CLTC: variants seen among roughly 807,000 people sequenced by gnomAD.
The protein encoded by CLTC is clathrin heavy chain, also known as clathrin heavy chain 1.
A neutral mutation model predicts 195.8 loss-of-function variants in CLTC; 16 were observed. That is an observed-to-expected ratio of 0.08 (90% CI 0.06 to 0.12). CLTC has a LOEUF of 0.12. CLTC is among the 10% of genes least tolerant of loss of function. CLTC has a pLI of 1.00. For synonymous variants in CLTC, 667 were observed against 689.4 expected, an observed-to-expected ratio of 0.97 and a Z score of 0.51; for missense variants, 796 against 2,027.0, an observed-to-expected ratio of 0.39 and a Z score of 11.66.
At chr17:59,679,141 TAAAC>T (rs2033028940) in intron 17 of CLTC, among the ~76,000 whole-genome samples, 1 of 152,024 alleles carries the variant, frequency 6.6e-6, no homozygotes, top group South Asian at 2.1e-4. Flanking sequence ...CATGGAAAAA[TAAAC>T]ACACAAGAAC....
At chr17:59,629,761 C>T (rs999183342) in intron 1 of CLTC, among the ~76,000 whole-genome samples, 5 of 151,940 alleles carry the variant, frequency 3.3e-5, no homozygotes, top group Non-Finnish European at 5.9e-5. Flanking sequence ...CCTTGTGATC[C>T]GCCTGCTTTG....
At chr17:59,664,940 C>A in intron 10 of CLTC, 31 bp downstream of exon 10, 2 of 1,610,256 alleles carry the variant, frequency 1.2e-6, no homozygotes, top group Non-Finnish European at 1.7e-6. Context: ...TTTGTAGAAG[C>A]TGATTGAAAT....
At chr17:59,655,049 T>C (rs1287505046) in intron 5 of CLTC, among the ~76,000 whole-genome samples, 1 of 152,268 alleles carries the variant, frequency 6.6e-6, no homozygotes, top group Non-Finnish European at 1.5e-5. Flanking sequence ...AGTAGCACTT[T>C]AATTTCCTTC....
intron 1 of CLTC, among the ~76,000 whole-genome samples, chr17:59,638,253 C>T (rs1381845923): frequency 1.3e-5 from 2 of 151,996 alleles, no homozygotes; most frequent in Non-Finnish European, 2.9e-5. Context: ...GCTGTGATCA[C>T]ATCACTGCAC....
At chr17:59,623,635 C>T (rs932858840) in intron 1 of CLTC, among the ~76,000 whole-genome samples, 3 of 152,168 alleles carry the variant, frequency 2.0e-5, no homozygotes, top group Non-Finnish European at 4.4e-5. Context: ...TATATCGAAT[C>T]CTCAGCTTCT....
chr17:59,632,621 C>T (rs541041677), intron 1 of CLTC, among the ~76,000 whole-genome samples: 6 of 152,080 alleles, frequency 3.9e-5, no homozygotes, highest in South Asian at 2.1e-4. Flanking sequence ...CCAGCCTATG[C>T]GACAGAGCGA....
Position 59,682,815 on chromosome 17 carries a change from G to A in CLTC, c.3765+22G>A. ...AGAGGTAATCTAAACCCAAGTTTGAGTGAAGAATTAAAGAAACGCTATTTA... is the reference window on the plus strand; with the variant it reads ...AGAGGTAATCTAAACCCAAGTTTGAATGAAGAATTAAAGAAACGCTATTTA... On this transcript the variant is annotated intron_variant, in intron 23 of 31. Transcript: ENST00000269122. This position sits in a 1 kb window ranked among gnomAD's most constrained non-coding sequence, Gnocchi z 6.8. 1.2e-6 allele frequency: 2 copies of A among 1,612,134 alleles called. No homozygotes were observed. Among genetic ancestry groups the A allele is most frequent in the East Asian group, 4.5e-5 (2 of 44,836 alleles).
At chr17:59,637,554 TAAA>T (rs545077564) in intron 1 of CLTC, among the ~76,000 whole-genome samples, 1 of 131,334 alleles carries the variant, frequency 7.6e-6, no homozygotes, top group Non-Finnish European at 1.6e-5. Context: ...TGAAGTTTCT[TAAA>T]AAAAAAAAAA....
At chr17:59,662,588 A>G (rs1469201055) in intron 8 of CLTC, among the ~76,000 whole-genome samples, 1 of 152,210 alleles carries the variant, frequency 6.6e-6, no homozygotes, top group African/African-American at 2.4e-5. Flanking sequence ...ATTTAATGTT[A>G]TTATTCTTTC....
rs200412101 is a variant in CLTC, at chr17:59,661,425, C to A, written c.1168-18C>A. The A allele has an allele frequency of 8.1e-6, 13 of 1,605,456 alleles. No homozygotes were observed. The East Asian group carries it at 2.7e-4, about 33-fold the overall frequency. Reference sequence around the variant, plus strand: ...TCTTACACTTTCGAAGAGCGTTTAACATTTCTCCTTCTTAAAGGGAATTCT... The same window carrying A: ...TCTTACACTTTCGAAGAGCGTTTAAAATTTCTCCTTCTTAAAGGGAATTCT... On this transcript the variant is annotated intron_variant, in intron 7 of 31. Transcript: ENST00000269122.
chr17:59,687,861 G>T (rs945585391), intron 30 of CLTC, among the ~76,000 whole-genome samples: 1 of 152,162 alleles, frequency 6.6e-6, no homozygotes, highest in East Asian at 1.9e-4. Context: ...TCATTGGCTT[G>T]TCTCCATCCC....
chr17:59,664,060 A>G (rs1347446843), intron 9 of CLTC, 66 bp downstream of exon 9: 2 of 1,357,122 alleles, frequency 1.5e-6, no homozygotes, highest in African/African-American at 1.5e-5. Context: ...ATTAGCCTGT[A>G]TTAACTCTTG....
chr17:59,645,087 A>G (rs1567941153), intron 2 of CLTC, among the ~76,000 whole-genome samples: 1 of 152,250 alleles, frequency 6.6e-6, no homozygotes, highest in Admixed American at 6.5e-5. Context: ...TGTGCTAAAC[A>G]TATCTCTCTA....
Position 59,683,379 on chromosome 17 carries a change from T to C in CLTC, c.4042-8T>C, listed in dbSNP as rs1340756889. The C allele has an allele frequency of 1.9e-6, 3 of 1,609,084 alleles. No homozygotes were observed. The Admixed American group carries it at 5.1e-5, about 27-fold the overall frequency. On this transcript the variant is annotated splice_polypyrimidine_tract_variant and splice_region_variant and intron_variant, in intron 25 of 31. Transcript: ENST00000269122. The surrounding 1 kb of genome is among the most constrained non-coding windows in gnomAD (Gnocchi z 6.1). Reference sequence around the variant, plus strand: ...CATATCTAAAGCAATTAAGTCTTTCTTATGCAGGTGCTAAGAGCTGCAGAA... The same window carrying C: ...CATATCTAAAGCAATTAAGTCTTTCCTATGCAGGTGCTAAGAGCTGCAGAA...
chr17:59,660,729 AT>A, intron 7 of CLTC, 141 bp downstream of exon 7: 1 of 807,050 alleles, frequency 1.2e-6, no homozygotes, highest in Non-Finnish European at 1.9e-6. Context: ...CTTTAGTAGA[AT>A]TCCTTGTCAA....
chr17:59,639,387 C>A (rs569552051), intron 1 of CLTC, among the ~76,000 whole-genome samples: 1 of 151,916 alleles, frequency 6.6e-6, no homozygotes, highest in East Asian at 1.9e-4. Context: ...TTTTTTTGGA[C>A]CCAGTTTATT....
chr17:59,629,097 C>T (rs1400246276), intron 1 of CLTC, among the ~76,000 whole-genome samples: 19 of 152,098 alleles, frequency 1.2e-4, no homozygotes, highest in Admixed American at 1.2e-3. Context: ...GGATAGATCT[C>T]ATTATTTAAA....
At chr17:59,690,077 T>C (rs1195070340) in intron 30 of CLTC, 1 of 152,236 alleles carries the variant, frequency 6.6e-6, no homozygotes, top group East Asian at 1.9e-4. Flanking sequence ...GCCCACACAG[T>C]ATTAAAACAT....
chr17:59,669,345 AG>A (rs765931944), intron 14 of CLTC, among the ~76,000 whole-genome samples: 92 of 152,198 alleles, frequency 6.0e-4, no homozygotes, highest in Non-Finnish European at 1.1e-3. Flanking sequence ...CTGTTGTCTA[AG>A]GAATGTATAG....
Sources: gnomAD v4.1 joint callset for allele counts (sites outside exome capture counted in the v4.1 genomes callset) on GRCh38, gnomAD v4.1.1 for gene constraint, Gnocchi (gnomAD v3.1) non-coding constraint, MANE v1.5 for transcripts, NCBI Gene and HGNC (gene_info 2026-07-23, HGNC 2026-07-21) for gene names.